L3HYPDH: variants seen among roughly 807,000 people sequenced by gnomAD.
L3HYPDH encodes the protein trans-L-3-hydroxyproline dehydratase.
L3HYPDH carries 32 observed loss-of-function variants against 26.5 expected under a neutral mutation model. The observed-to-expected ratio is 1.21, with a 90% CI of 0.91 to 1.62. The LOEUF (loss-of-function observed/expected upper bound fraction) is 1.62. L3HYPDH is among the 40% of genes most tolerant of loss of function. The probability of loss-of-function intolerance (pLI) is 0.00; values close to 1 mark genes in which losing one functional copy is unlikely to be tolerated. For missense variants in L3HYPDH, 554 were observed against 476.4 expected, an observed-to-expected ratio of 1.16 and a Z score of -1.52; for synonymous variants, 215 against 196.6, an observed-to-expected ratio of 1.09 and a Z score of -0.78.
upstream of L3HYPDH, chr14:59,485,002 C>T (rs746552148): frequency 5.7e-6 from 9 of 1,583,468 alleles, no homozygotes; most frequent in African/African-American, 1.4e-5. Flanking sequence ...TTATAGCGCC[C>T]GTCACAAAGG....
chr14:59,481,403 T>C (rs971215873), intron 1 of L3HYPDH, among the ~76,000 whole-genome samples: 25 of 152,310 alleles, frequency 1.6e-4, no homozygotes, highest in Admixed American at 1.3e-3. Context: ...CTTTACATTA[T>C]TCCCTGGTTT....
chr14:59,504,918 A>ATTC, the L3HYPDH span: 1 of 182,038 alleles, frequency 5.5e-6, no homozygotes. Flanking sequence ...GAAGATACAC[A>ATTC]GAATAAAAAG....
upstream of L3HYPDH, chr14:59,486,892 C>A: frequency 2.1e-6 from 2 of 930,460 alleles, no homozygotes; most frequent in Non-Finnish European, 3.3e-6. Flanking sequence ...TGTTATTATA[C>A]TCATTAATTT....
chr14:59,475,992 G>C lies in L3HYPDH; in HGVS notation c.816C>G (p.Pro272=). 6.2e-7 allele frequency: 1 copy of C among 1,613,908 alleles called. No individual in the cohort carries two copies. Among genetic ancestry groups the C allele is most frequent in the Non-Finnish European group, 8.5e-7 (1 of 1,179,882 alleles). The part of the protein sequence containing the change: ...VFADEQVDRS[P]TGSGVTARIA... ...TTCGGGCTGTCACTCCTGAGCCAGT[G>C]GGACTTCTGTCAACCTGTTTCAGAA... Residue 272 remains proline, a synonymous_variant, in exon 4 of 5, where the codon CCC becomes CCG. Coordinates refer to ENST00000247194, the MANE Select transcript of L3HYPDH (RefSeq NM_144581.2).
chr14:59,467,000 T>C (rs1285511849), intron 1 of L3HYPDH, among the ~76,000 whole-genome samples: 1 of 152,178 alleles, frequency 6.6e-6, no homozygotes, highest in Non-Finnish European at 1.5e-5. Flanking sequence ...AATATAATTA[T>C]CATACATTAA....
In L3HYPDH at chr14:59,466,732, A is replaced by T. The variant is rs1889192627; in HGVS notation, n.31-5559T>A. ...TACAGTATAAATAGAAGAACGTTTA[A>T]GGTGGCAAACCAAAACTGGGTTTGT... On this transcript the variant is annotated intron_variant and non_coding_transcript_variant, in intron 1 of 2. Transcript: ENST00000466522. 2.6e-5 allele frequency among the ~76,000 whole-genome samples: 4 copies of T among 152,232 alleles called. No homozygotes were observed. In the South Asian group the frequency reaches 8.3e-4, roughly 32 times the overall value.
At chr14:59,470,351 C>A (rs1325980151), downstream of L3HYPDH, among the ~76,000 whole-genome samples, 1 of 152,194 alleles carries the variant, frequency 6.6e-6, no homozygotes, top group Non-Finnish European at 1.5e-5. Flanking sequence ...CCAGGTGATT[C>A]ACATGCACAT....
chr14:59,484,413 A>C (rs112576857), upstream of L3HYPDH: 2 of 1,407,800 alleles, frequency 1.4e-6, no homozygotes, highest in Non-Finnish European at 1.9e-6. Flanking sequence ...GACGCTAACC[A>C]GCCACGTCCG....
intron 4 of L3HYPDH, among the ~76,000 whole-genome samples, chr14:59,475,573 A>G (rs565733232): frequency 1.3e-5 from 2 of 152,330 alleles, no homozygotes; most frequent in South Asian, 4.1e-4. Context: ...ATCACATCGT[A>G]GCCTCTGAAG....
chr14:59,494,643 C>T, the L3HYPDH span, among the ~76,000 whole-genome samples: 1 of 152,170 alleles, frequency 6.6e-6, no homozygotes, highest in East Asian at 1.9e-4. Context: ...AAATTGTTGA[C>T]AGTGTTCTAG....
At chr14:59,489,042 A>C (rs1432269007), upstream of L3HYPDH, among the ~76,000 whole-genome samples, 1 of 152,240 alleles carries the variant, frequency 6.6e-6, no homozygotes, top group Non-Finnish European at 1.5e-5. Context: ...TGTGTTGGCT[A>C]TTAGCACTTG....
the L3HYPDH span, chr14:59,501,084 G>T: frequency 1.4e-6 from 1 of 707,066 alleles, no homozygotes. Context: ...CACAGAACTG[G>T]TTGAGAAAGG....
At chr14:59,505,157 C>T in the L3HYPDH span, 6 of 609,712 alleles carry the variant, frequency 9.8e-6, no homozygotes, top group Admixed American at 1.7e-4. Flanking sequence ...CTTCTATTAA[C>T]AGCTGCAAAA....
At chr14:59,501,148 A>C in the L3HYPDH span, 1 of 1,234,236 alleles carries the variant, frequency 8.1e-7, no homozygotes, top group Non-Finnish European at 1.2e-6. Flanking sequence ...TTATTGAGAA[A>C]ATTTGTTTCA....
upstream of L3HYPDH, chr14:59,484,522 C>T: frequency 6.5e-7 from 1 of 1,548,884 alleles, no homozygotes; most frequent in Non-Finnish European, 8.7e-7. Flanking sequence ...TCGCTGTGGC[C>T]CGGATGTTCG....
At chr14:59,477,139 C>T (rs1889688562) in intron 2 of L3HYPDH, among the ~76,000 whole-genome samples, 1 of 152,194 alleles carries the variant, frequency 6.6e-6, no homozygotes, top group Non-Finnish European at 1.5e-5. Context: ...CGCCCCACCT[C>T]CACTATAGCA....
At chr14:59,487,979 A>G (rs1481823590), upstream of L3HYPDH, among the ~76,000 whole-genome samples, 1 of 152,186 alleles carries the variant, frequency 6.6e-6, no homozygotes, top group African/African-American at 2.4e-5. Flanking sequence ...GTGACAAGAA[A>G]ACTTAACAAT....
chr14:59,498,808 A>T, the L3HYPDH span: 1 of 1,610,618 alleles, frequency 6.2e-7, no homozygotes, highest in Non-Finnish European at 8.5e-7. Flanking sequence ...AGAAGATTGC[A>T]TGTGGGTTAG....
intron 2 of L3HYPDH, 21 bp from the exon 3 acceptor site, chr14:59,476,235 T>TCAAC (rs10634233): frequency 0.45 from 671,217 of 1,502,986 alleles, 160,156 homozygotes; most frequent in African/African-American, 0.81. Flanking sequence ...CAAAAAAAGA[T>TCAAC]CACATGCAAA....
Sources: gnomAD v4.1 joint callset for allele counts (sites outside exome capture counted in the v4.1 genomes callset) on GRCh38, gnomAD v4.1.1 for gene constraint, MANE v1.5 for transcripts, NCBI Gene and HGNC (gene_info 2026-07-23, HGNC 2026-07-21) for gene names.